Variants in LHX4 observed in about 807,000 individuals in gnomAD.
The protein encoded by LHX4 is LIM/homeobox protein Lhx4.
Under a neutral mutation model 39.2 loss-of-function variants are expected in LHX4, and 16 were observed. The ratio of observed to expected loss-of-function variants is 0.41; its 90% CI spans 0.28 to 0.62. LHX4 has a LOEUF of 0.62. Among genes scored for constraint, LHX4 ranks in the 20% least tolerant of loss-of-function variants. The pLI, the probability that LHX4 is intolerant of heterozygous loss-of-function variation, is 0.33. For synonymous variants in LHX4, 206 were observed against 198.1 expected (o/e 1.04, Z -0.33); for missense variants, 439 against 511.9 (o/e 0.86, Z 1.37).
intron 2 of LHX4, among the ~76,000 whole-genome samples, chr1:180,257,623 A>G (rs1039736414): frequency 1.3e-5 from 2 of 152,270 alleles, no homozygotes; most frequent in African/African-American, 4.8e-5. Context: ...AATATCAGCA[A>G]CTTTCCTGTC....
upstream of LHX4, among the ~76,000 whole-genome samples, chr1:180,229,026 G>T (rs1664090335): frequency 6.6e-6 from 1 of 152,368 alleles, no homozygotes; most frequent in South Asian, 2.1e-4. Context: ...GGCGTCGAGC[G>T]CCTGATGGAG....
intron 3 of LHX4, chr1:180,270,602 T>C (rs1336963696): frequency 1.3e-5 from 2 of 153,036 alleles, no homozygotes; most frequent in African/African-American, 2.4e-5. Flanking sequence ...GGACTTTGTG[T>C]TGATCAGTCA....
chr1:180,272,296 C>G (rs1322496780), intron 5 of LHX4, among the ~76,000 whole-genome samples: 1 of 152,186 alleles, frequency 6.6e-6, no homozygotes. Flanking sequence ...CCCTCATCAG[C>G]CCACACAGCT....
rs779667499 is a variant in LHX4, at chr1:180,258,384, C to T, written c.249-8008C>T. On this transcript the variant is annotated intron_variant, in intron 2 of 5. Transcript: ENST00000263726. ...AGGAGGGAGGGTGGAAAGGCGATGG[C>T]GCTGGGATGCCATAGTGCCTTGGTG... is the stretch of plus-strand genomic sequence containing the variant. Among the ~76,000 whole-genome samples, 23 of 152,222 alleles carry T rather than the reference C, an allele frequency of 1.5e-4. No homozygotes were observed. In the East Asian group the frequency reaches 2.7e-3, roughly 18 times the overall value.
At chr1:180,272,755 T>A (rs1409660240) in intron 5 of LHX4, 2 of 152,238 alleles carry the variant, frequency 1.3e-5, no homozygotes, top group African/African-American at 4.8e-5. Context: ...CCAGTGCAGC[T>A]CTGTCAAATC....
intron 3 of LHX4, among the ~76,000 whole-genome samples, chr1:180,267,320 C>T (rs188362982): frequency 6.6e-5 from 10 of 152,388 alleles, no homozygotes; most frequent in African/African-American, 9.6e-5. Context: ...TGGTGGAGGC[C>T]GAAGTCAGGT....
At chr1:180,228,888 T>G (rs1468046697), upstream of LHX4, among the ~76,000 whole-genome samples, 1 of 152,158 alleles carries the variant, frequency 6.6e-6, no homozygotes, top group African/African-American at 2.4e-5. Context: ...CCGCCTAAGC[T>G]GAACCCCACT....
At chr1:180,259,839 T>C (rs1648031914) in intron 2 of LHX4, among the ~76,000 whole-genome samples, 2 of 151,276 alleles carry the variant, frequency 1.3e-5, no homozygotes, top group South Asian at 4.2e-4. Flanking sequence ...GTTGTGTGAG[T>C]CAGTGCCCTG....
At chr1:180,241,870 T>A (rs894919006) in intron 1 of LHX4, among the ~76,000 whole-genome samples, 1 of 152,188 alleles carries the variant, frequency 6.6e-6, no homozygotes, top group Non-Finnish European at 1.5e-5. Flanking sequence ...CAGACTGGAA[T>A]GCAGTAGTGC....
intron 2 of LHX4, among the ~76,000 whole-genome samples, chr1:180,259,122 G>C (rs1647993240): frequency 6.6e-6 from 1 of 151,996 alleles, no homozygotes; most frequent in Admixed American, 6.5e-5. Flanking sequence ...AGAGGTGTGG[G>C]AGGAGGAGGA....
intron 2 of LHX4, among the ~76,000 whole-genome samples, chr1:180,252,923 G>A (rs1647691174): frequency 6.6e-6 from 1 of 152,182 alleles, no homozygotes; most frequent in African/African-American, 2.4e-5. Flanking sequence ...GTCTTGCTCA[G>A]TAACACTGAC....
chr1:180,236,699 A>T (rs1664328707), intron 1 of LHX4, among the ~76,000 whole-genome samples: 1 of 152,184 alleles, frequency 6.6e-6, no homozygotes, highest in Non-Finnish European at 1.5e-5. Context: ...GTGGAATCGG[A>T]TAAAGGGACC....
Position 180,274,605 on chromosome 1 carries a change from C to A in LHX4, c.*26C>A. On this transcript the variant is annotated 3_prime_UTR_variant, in exon 6 of 6. Coordinates refer to ENST00000263726, the MANE Select transcript of LHX4 (RefSeq NM_033343.4). ...ACTTCTCTCCTCCCCACCCTACCTG[C>A]CCCCCTGGCTTGAGAGAATATCTTC... is the stretch of plus-strand genomic sequence containing the variant. The A allele has an allele frequency of 2.6e-6, 4 of 1,535,266 alleles. No homozygotes were observed. Among genetic ancestry groups the A allele is most frequent in the Non-Finnish European group, 3.5e-6 (4 of 1,143,540 alleles).
chr1:180,248,827 T>C (rs1238261676), intron 2 of LHX4: 2 of 330,160 alleles, frequency 6.1e-6, no homozygotes, highest in African/African-American at 2.1e-5. Flanking sequence ...GGGCATGTGG[T>C]TGTAACATTC....
At chr1:180,231,006 T>C (rs1664162921) in intron 1 of LHX4, among the ~76,000 whole-genome samples, 1 of 151,850 alleles carries the variant, frequency 6.6e-6, no homozygotes, top group African/African-American at 2.4e-5. Context: ...TAGTGCAACT[T>C]CACCCCAGCT....
At chr1:180,244,423 C>T (rs919152820) in intron 1 of LHX4, among the ~76,000 whole-genome samples, 3 of 152,078 alleles carry the variant, frequency 2.0e-5, no homozygotes, top group African/African-American at 7.2e-5. Flanking sequence ...GAGGCTGAAA[C>T]GACTTGTCTG....
At chr1:180,273,587 A>G (rs1648824679) in intron 5 of LHX4, 1 of 152,490 alleles carries the variant, frequency 6.6e-6, no homozygotes, top group African/African-American at 2.4e-5. Context: ...AAGAAAAAAG[A>G]AGGTTCATTT....
upstream of LHX4, among the ~76,000 whole-genome samples, chr1:180,229,472 TC>T (rs1323181894): frequency 6.6e-6 from 1 of 152,032 alleles, no homozygotes; most frequent in African/African-American, 2.4e-5. Context: ...CTGGTCCCCT[TC>T]CCCAGCCCGG....
At chr1:180,271,171 C>T (rs1648631180) in intron 3 of LHX4, 2 of 636,840 alleles carry the variant, frequency 3.1e-6, no homozygotes, top group Admixed American at 2.3e-5. Flanking sequence ...GACTGCTGTC[C>T]TCACTTTTCA....
Sources: allele counts gnomAD v4.1 joint callset (sites outside exome capture counted in the v4.1 genomes callset), GRCh38; gene constraint gnomAD v4.1.1; transcripts MANE v1.5; gene names NCBI Gene and HGNC (gene_info 2026-07-23, HGNC 2026-07-21).